EXOC4: variants seen among roughly 807,000 people sequenced by gnomAD.
EXOC4 encodes exocyst complex component 4.
In EXOC4, 71 loss-of-function variants were observed where a neutral mutation model predicts 107.2. That is an observed-to-expected ratio of 0.66 (90% CI 0.55 to 0.81). EXOC4 has a LOEUF of 0.81. EXOC4 is among the 30% of genes least tolerant of loss of function. EXOC4 has a pLI of 0.00. For synonymous variants in EXOC4, 456 were observed against 441.2 expected (o/e 1.03, Z -0.42); for missense variants, 1,108 against 1,189.6 (o/e 0.93, Z 1.01).
At chr7:133,491,674 G>C (rs775304148) in intron 9 of EXOC4, among the ~76,000 whole-genome samples, 1 of 152,124 alleles carries the variant, frequency 6.6e-6, no homozygotes, top group African/African-American at 2.4e-5. Context: ...CGTGCAGAGG[G>C]GTTCTAGATG....
chr7:133,911,800 G>C (rs1011464925), intron 12 of EXOC4, among the ~76,000 whole-genome samples: 1 of 152,184 alleles, frequency 6.6e-6, no homozygotes, highest in Non-Finnish European at 1.5e-5. Context: ...CGTAGATGCT[G>C]ACAAAATGAG....
Position 133,658,201 on chromosome 7 carries a change from C to T in EXOC4, c.1514+28060C>T, listed in dbSNP as rs191586554. On this transcript the variant is annotated intron_variant, in intron 10 of 17. Transcript: ENST00000253861. ...AAAAGAGAGAGAGCGAGAGAGATCC[C>T]AATACATCCGTGAGGACTGTTTGAG... is the stretch of plus-strand genomic sequence containing the variant. 4.6e-5 allele frequency among the ~76,000 whole-genome samples: 7 copies of T among 152,192 alleles called. No individual in the cohort carries two copies. In the East Asian group the frequency reaches 1.4e-3, roughly 29 times the overall value.
chr7:133,486,552 ATTCT>A (rs1799273411), intron 9 of EXOC4, among the ~76,000 whole-genome samples: 1 of 152,170 alleles, frequency 6.6e-6, no homozygotes, highest in Non-Finnish European at 1.5e-5. Context: ...TGATTAGAAA[ATTCT>A]TTGTTGCCTT....
At chr7:133,856,526 C>A (rs986959288) in intron 11 of EXOC4, among the ~76,000 whole-genome samples, 4 of 152,156 alleles carry the variant, frequency 2.6e-5, no homozygotes, top group African/African-American at 9.7e-5. Context: ...TGTGCAGCTC[C>A]TAGTGGAGTA....
intron 14 of EXOC4, among the ~76,000 whole-genome samples, chr7:133,987,423 GAGGA>G (rs1794143842): frequency 6.6e-6 from 1 of 151,724 alleles, no homozygotes; most frequent in Non-Finnish European, 1.5e-5. Flanking sequence ...AGAAGGAAGG[GAGGA>G]AGGGAGAAAA....
At position 133,474,474 on chromosome 7, in the gene EXOC4, ATT is replaced by A. The variant is rs34366230; in HGVS notation, c.1183-839_1183-838del. The stretch of plus-strand genomic sequence containing the variant: ...AGGTGTGCACCATCATGCCCAGCCA[ATT>A]TTTTTTTTTTTTTTAAAGTAGAGAT... On this transcript the variant is annotated intron_variant, in intron 7 of 17. Transcript: ENST00000253861. Among the ~76,000 whole-genome samples the A allele has an allele frequency of 3.1e-4, 44 of 141,724 alleles. 1 individual carries two copies. Among genetic ancestry groups the A allele is most frequent in the Non-Finnish European group, 7.7e-5 (5 of 64,754 alleles). 93.0% of individuals were successfully genotyped at this position (141,724 alleles called of 152,430 possible). A position where few individuals can be genotyped will look rare whatever the true frequency, so the allele number is the denominator to read the frequency against.
intron 10 of EXOC4, among the ~76,000 whole-genome samples, chr7:133,741,487 T>C (rs1043895056): frequency 6.6e-6 from 1 of 152,216 alleles, no homozygotes; most frequent in Admixed American, 6.5e-5. Context: ...CATGGTATCA[T>C]AATTATTAGA....
intron 11 of EXOC4, among the ~76,000 whole-genome samples, chr7:133,846,861 G>C (rs1798138268): frequency 1.3e-5 from 2 of 152,210 alleles, no homozygotes; most frequent in Non-Finnish European, 2.9e-5. Flanking sequence ...TTCACATGGG[G>C]CTTGAGACCC....
chr7:133,783,589 A>C (rs1796510063), intron 10 of EXOC4, among the ~76,000 whole-genome samples: 1 of 152,186 alleles, frequency 6.6e-6, no homozygotes, highest in South Asian at 2.1e-4. Flanking sequence ...ACTCTGTTAC[A>C]TTTAGGTAGT....
Position 134,002,557 on chromosome 7 carries a change from A to G in EXOC4, c.2349-2355A>G, listed in dbSNP as rs190711818. 1.2e-4 allele frequency among the ~76,000 whole-genome samples: 19 copies of G among 152,334 alleles called. 1 individual carries two copies. Among genetic ancestry groups the G allele is most frequent in the African/African-American group, 3.4e-4 (14 of 41,598 alleles). On this transcript the variant is annotated intron_variant, in intron 15 of 17. Transcript: ENST00000253861. Reference sequence around the variant, plus strand: ...CAAAGACCAGGAGAAAATATCTGCAAAGTCCATATCTGATAAAGGACTTGT... The same window carrying G: ...CAAAGACCAGGAGAAAATATCTGCAGAGTCCATATCTGATAAAGGACTTGT...
intron 13 of EXOC4, among the ~76,000 whole-genome samples, chr7:133,932,152 G>A (rs1460944193): frequency 6.6e-6 from 1 of 152,158 alleles, no homozygotes; most frequent in Non-Finnish European, 1.5e-5. Flanking sequence ...CAGTTTGCGG[G>A]GATTCTGATT....
At chr7:133,437,021 G>C (rs1269672910) in intron 7 of EXOC4, among the ~76,000 whole-genome samples, 1 of 152,040 alleles carries the variant, frequency 6.6e-6, no homozygotes, top group Non-Finnish European at 1.5e-5. Context: ...GTGAGGATGG[G>C]AGAAACTTCC....
At chr7:133,600,357 A>G (rs1175867909) in intron 9 of EXOC4, among the ~76,000 whole-genome samples, 1 of 152,142 alleles carries the variant, frequency 6.6e-6, no homozygotes, top group African/African-American at 2.4e-5. Context: ...ACCTCATAAT[A>G]CTTTGAGGCT....
At chr7:133,999,745 T>C (rs1049511491) in intron 15 of EXOC4, among the ~76,000 whole-genome samples, 3 of 152,222 alleles carry the variant, frequency 2.0e-5, no homozygotes, top group African/African-American at 4.8e-5. Flanking sequence ...CGTGTGCTTA[T>C]ACATATTCTA....
chr7:133,881,788 T>C (rs551672855), intron 11 of EXOC4, among the ~76,000 whole-genome samples: 10 of 152,348 alleles, frequency 6.6e-5, no homozygotes, highest in African/African-American at 2.4e-4. Flanking sequence ...AGTAGTAGTA[T>C]TGCCAACAAT....
the EXOC4 span, among the ~76,000 whole-genome samples, chr7:134,080,474 A>T: frequency 2.0e-5 from 3 of 152,128 alleles, no homozygotes; most frequent in Non-Finnish European, 2.9e-5. Context: ...AGGAGTTTTA[A>T]GCAAGTAAGT....
intron 7 of EXOC4, among the ~76,000 whole-genome samples, chr7:133,465,889 A>G (rs1234587841): frequency 6.6e-6 from 1 of 152,144 alleles, no homozygotes; most frequent in Non-Finnish European, 1.5e-5. Context: ...TAATCCCAGC[A>G]CTTTGGGAGG....
chr7:133,981,457 A>T (rs961955580), intron 14 of EXOC4, among the ~76,000 whole-genome samples: 10 of 152,128 alleles, frequency 6.6e-5, no homozygotes, highest in Non-Finnish European at 1.0e-4. Context: ...ATGAACAGAT[A>T]TTTTTTTAAA....
At chr7:133,612,153 A>G (rs1316603770) in intron 9 of EXOC4, among the ~76,000 whole-genome samples, 1 of 152,170 alleles carries the variant, frequency 6.6e-6, no homozygotes, top group Non-Finnish European at 1.5e-5. Flanking sequence ...GCTGACTCAG[A>G]CATTTATATA....
Sources: gnomAD v4.1 joint callset for allele counts (sites outside exome capture counted in the v4.1 genomes callset) on GRCh38, gnomAD v4.1.1 for gene constraint, MANE v1.5 for transcripts, NCBI Gene and HGNC (gene_info 2026-07-23, HGNC 2026-07-21) for gene names.